KPRP: variants seen among roughly 807,000 people sequenced by gnomAD.
KPRP encodes the protein keratinocyte proline-rich protein.
For missense variants in KPRP, 820 were observed against 746.4 expected (o/e 1.10, Z -1.15); for synonymous variants, 282 against 276.9 (o/e 1.02, Z -0.18).
In KPRP at chr1:152,759,893, C is replaced by G. The variant is rs762261333; in HGVS notation, c.305C>G (p.Ser102Cys). 84 of 1,613,996 alleles carry G rather than the reference C, an allele frequency of 5.2e-5. 1 individual carries two copies. Among genetic ancestry groups the G allele is most frequent in the Non-Finnish European group, 1.5e-5 (18 of 1,180,022 alleles). Reference sequence around the variant, plus strand: ...GTGAAGGGCCAGGCTGCATCCCAATCTCAAACTTCCTCTGTTCAAAGCCAG... The same window carrying G: ...GTGAAGGGCCAGGCTGCATCCCAATGTCAAACTTCCTCTGTTCAAAGCCAG... The change falls in exon 1 of 1, where the codon TCT becomes TGT. Residue 102 changes from serine (S) to cysteine (C), a missense_variant. Transcript: ENST00000606109.
chr1:152,759,694 G>A (rs2101561552), exon 1 of KPRP: 1 of 1,614,132 alleles, frequency 6.2e-7, no homozygotes, highest in East Asian at 2.2e-5. Context: ...GAGCCAAGTG[G>A]TGGTTCAAGC....
At chr1:152,762,008 G>A (rs1651159384) in exon 1 of KPRP, 1 of 167,188 alleles carries the variant, frequency 6.0e-6, no homozygotes, top group South Asian at 2.1e-4. Flanking sequence ...TGCAGGAACT[G>A]AGGTGAGAGG....
exon 1 of KPRP, chr1:152,761,344 G>A (rs752903081): frequency 2.5e-6 from 4 of 1,605,320 alleles, no homozygotes; most frequent in Non-Finnish European, 3.4e-6. Flanking sequence ...AGGTGACTGA[G>A]ATAACCCTCT....
exon 1 of KPRP, chr1:152,760,584 G>T (rs764394096): frequency 6.2e-7 from 1 of 1,608,694 alleles, no homozygotes. Context: ...TTTCCTCCCC[G>T]TGCTGCCCCA....
At chr1:152,758,131 T>G (rs1650999998), upstream of KPRP, among the ~76,000 whole-genome samples, 1 of 152,118 alleles carries the variant, frequency 6.6e-6, no homozygotes, top group Non-Finnish European at 1.5e-5. Flanking sequence ...TTCACAGTCG[T>G]GAGGCACAAA....
chr1:152,759,646 G>A lies in KPRP; in HGVS notation c.58G>A (p.Gly20Ser), dbSNP rs547882733. The A allele has an allele frequency of 4.3e-6, 7 of 1,613,982 alleles. No individual in the cohort carries two copies. Among genetic ancestry groups the A allele is most frequent in the South Asian group, 3.3e-5 (3 of 91,072 alleles). The change falls in exon 1 of 1, where the codon GGT becomes AGT. Residue 20 changes from glycine to serine, a missense_variant. Transcript: ENST00000606109. ...GCCGCTCCAACAGTGCTGCGTCAAG[G>A]GTCCCTCCTTCTGCTCCTCTCAATC...
exon 1 of KPRP, chr1:152,760,487 G>T (rs752074154): frequency 4.3e-6 from 7 of 1,613,398 alleles, no homozygotes; most frequent in Admixed American, 3.3e-5. Flanking sequence ...CCACCCCGCC[G>T]CTCTGAACCC....
exon 1 of KPRP, chr1:152,760,037 T>C (rs1651054792): frequency 1.2e-6 from 2 of 1,614,188 alleles, no homozygotes; most frequent in Non-Finnish European, 1.7e-6. Context: ...GAATGCCCAG[T>C]CCAGAACTAT....
At chr1:152,762,020 G>A (rs1651159561) in exon 1 of KPRP, 1 of 167,118 alleles carries the variant, frequency 6.0e-6, no homozygotes, top group Non-Finnish European at 1.5e-5. Context: ...GGTGAGAGGA[G>A]GCCATGTGAC....
chr1:152,760,458 T>A, exon 1 of KPRP: 1 of 1,613,302 alleles, frequency 6.2e-7, no homozygotes, highest in Non-Finnish European at 8.5e-7. Context: ...CCTCTGAAGG[T>A]TTCCCTAACT....
At chr1:152,761,168 C>G (rs760526834) in exon 1 of KPRP, 2 of 1,614,214 alleles carry the variant, frequency 1.2e-6, no homozygotes, top group Admixed American at 3.3e-5. Context: ...GACACCGAAG[C>G]TCCCTACTGT....
exon 1 of KPRP, chr1:152,759,586 A>G: frequency 6.2e-7 from 1 of 1,612,838 alleles, no homozygotes; most frequent in Non-Finnish European, 8.5e-7. Context: ...CTGCATCAGG[A>G]CCATGTGTGA....
At position 152,759,655 on chromosome 1, in the gene KPRP, T is replaced by G. The variant is rs757625784; in HGVS notation, c.67T>G (p.Phe23Val). Residue 23 changes from phenylalanine to valine, a missense_variant, in exon 1 of 1, where the codon TTC becomes GTC. Transcript: ENST00000606109. ...ACAGTGCTGCGTCAAGGGTCCCTCC[T>G]TCTGCTCCTCTCAATCCCCCTTTGC... 13 of 1,614,030 alleles carry G rather than the reference T, an allele frequency of 8.1e-6. No individual in the cohort carries two copies. In the Admixed American group the frequency reaches 2.2e-4, roughly 27 times the overall value.
chr1:152,760,243 C>T, exon 1 of KPRP: 1 of 1,614,114 alleles, frequency 6.2e-7, no homozygotes. Flanking sequence ...CAGCTGTTTC[C>T]CTCAGTATCG....
chr1:152,760,537 T>G, exon 1 of KPRP: 2 of 1,611,610 alleles, frequency 1.2e-6, no homozygotes, highest in Non-Finnish European at 1.7e-6. Context: ...CATTTCAAGC[T>G]GCTCTCAGAG....
chr1:152,761,075 G>A (rs201034376), exon 1 of KPRP: 3 of 1,613,964 alleles, frequency 1.9e-6, no homozygotes, highest in South Asian at 1.1e-5. Flanking sequence ...GAGACTTGGC[G>A]CAGCCCCAGC....
upstream of KPRP, among the ~76,000 whole-genome samples, chr1:152,758,471 G>A (rs1651010169): frequency 6.6e-6 from 1 of 152,180 alleles, no homozygotes; most frequent in Non-Finnish European, 1.5e-5. Flanking sequence ...CATTTGGGGA[G>A]CTTATTGAAA....
chr1:152,761,744 A>G (rs1442114178), exon 1 of KPRP: 7 of 188,204 alleles, frequency 3.7e-5, no homozygotes, highest in Non-Finnish European at 8.7e-5. Flanking sequence ...GCTTGTTCCC[A>G]CTCACAAGAA....
chr1:152,760,611 G>A (rs1199011428), exon 1 of KPRP: 1 of 1,609,106 alleles, frequency 6.2e-7, no homozygotes, highest in South Asian at 1.1e-5. Context: ...TTCCCCCACA[G>A]AGGTGTCCTG....
Sources: gnomAD v4.1 joint callset for allele counts (sites outside exome capture counted in the v4.1 genomes callset) on GRCh38, gnomAD v4.1.1 for gene constraint, MANE v1.5 for transcripts, NCBI Gene and HGNC (gene_info 2026-07-23, HGNC 2026-07-21) for gene names.